Variants in RABGEF1 observed in about 807,000 individuals in gnomAD.
RABGEF1 encodes the protein RAB guanine nucleotide exchange factor 1.
In RABGEF1, 26 loss-of-function variants were observed where a neutral mutation model predicts 57.3. That is an observed-to-expected ratio of 0.45 (90% confidence interval 0.33 to 0.63). RABGEF1 has a LOEUF of 0.63. RABGEF1 is among the 20% of genes least tolerant of loss of function. RABGEF1 has a pLI of 0.02. For synonymous variants in RABGEF1, 185 were observed against 210.7 expected (o/e 0.88, Z 1.06); for missense variants, 464 against 607.6 (o/e 0.76, Z 2.48).
At chr7:66,666,548 A>G in the RABGEF1 span, among the ~76,000 whole-genome samples, 1 of 152,164 alleles carries the variant, frequency 6.6e-6, no homozygotes, top group East Asian at 1.9e-4. Flanking sequence ...TGGGCACTCC[A>G]GTGATGTTTC....
chr7:66,780,335 A>G (rs1809602491), intron 3 of RABGEF1, among the ~76,000 whole-genome samples: 1 of 152,230 alleles, frequency 6.6e-6, no homozygotes, highest in Non-Finnish European at 1.5e-5. Context: ...AGTGACTGCA[A>G]CATTATTCAA....
At chr7:66,789,835 G>T (rs1437424888) in intron 4 of RABGEF1, among the ~76,000 whole-genome samples, 6 of 152,104 alleles carry the variant, frequency 3.9e-5, no homozygotes, top group African/African-American at 1.2e-4. Flanking sequence ...CATGCGTGAG[G>T]CTGGTGCCAT....
chr7:66,756,005 G>T, intron 1 of RABGEF1: 1 of 1,428,372 alleles, frequency 7.0e-7, no homozygotes. Context: ...ATGAAAGTTG[G>T]TGAACCTTGG....
upstream of RABGEF1, among the ~76,000 whole-genome samples, chr7:66,677,241 C>T (rs1207161139): frequency 6.6e-6 from 1 of 152,106 alleles, no homozygotes; most frequent in Non-Finnish European, 1.5e-5. Flanking sequence ...TAGCATGTAA[C>T]TTCCTCAACA....
At chr7:66,795,733 T>G in intron 5 of RABGEF1, 141 bp downstream of exon 5, 2 of 771,492 alleles carry the variant, frequency 2.6e-6, no homozygotes, top group Middle Eastern at 2.3e-4. Context: ...TGGGAACTGG[T>G]CTTATACTTA....
rs561119008 is a variant in RABGEF1, at chr7:66,806,981, A to G, written c.1077+1585A>G. ...ATATAAATGAAACATACACTTGCCT[A>G]CGAGGGAAGAGCGTTTTGGATTCAG... On this transcript the variant is annotated intron_variant, in intron 8 of 8. Transcript: ENST00000284957. 5.3e-5 allele frequency among the ~76,000 whole-genome samples: 8 copies of G among 152,292 alleles called. No individual in the cohort carries two copies. The South Asian group carries it at 1.4e-3, about 28-fold the overall frequency.
chr7:66,761,210 CA>C (rs1330772300), intron 1 of RABGEF1, among the ~76,000 whole-genome samples: 1 of 152,146 alleles, frequency 6.6e-6, no homozygotes, highest in Non-Finnish European at 1.5e-5. Flanking sequence ...TCTTCTAGTT[CA>C]CTTCCTGCAC....
intron 1 of RABGEF1, among the ~76,000 whole-genome samples, chr7:66,760,022 T>C (rs1803858427): frequency 6.6e-6 from 1 of 152,162 alleles, no homozygotes; most frequent in African/African-American, 2.4e-5. Context: ...CAAAACACCC[T>C]TATCATATAG....
chr7:66,671,249 T>G, the RABGEF1 span, among the ~76,000 whole-genome samples: 2 of 152,182 alleles, frequency 1.3e-5, no homozygotes, highest in African/African-American at 2.4e-5. Context: ...AGTGCCATCA[T>G]AGCTCACTGC....
At chr7:66,806,004 C>T (rs1400448877) in intron 8 of RABGEF1, among the ~76,000 whole-genome samples, 1 of 152,002 alleles carries the variant, frequency 6.6e-6, no homozygotes, top group Admixed American at 6.6e-5. Context: ...CTTGACCTCC[C>T]TAAGAGTTGG....
At chr7:66,709,234 C>T (rs929894756) in intron 1 of RABGEF1, among the ~76,000 whole-genome samples, 8 of 152,086 alleles carry the variant, frequency 5.3e-5, no homozygotes, top group African/African-American at 1.9e-4. Context: ...GTCTCGAAAT[C>T]CTGACCTCAG....
chr7:66,728,544 C>T (rs1267775611), intron 2 of RABGEF1, among the ~76,000 whole-genome samples: 1 of 152,168 alleles, frequency 6.6e-6, no homozygotes, highest in Non-Finnish European at 1.5e-5. Context: ...CCAGTGTCTT[C>T]ACCATTTTTA....
At chr7:66,656,820 C>CAAAAAAAAAAAAAAAAAAAAAAAA in the RABGEF1 span, among the ~76,000 whole-genome samples, 1 of 73,860 alleles carries the variant, frequency 1.4e-5, no homozygotes, top group Non-Finnish European at 2.6e-5. Flanking sequence ...AACTGCATCT[C>CAAAAAAAAAAAAAAAAAAAAAAAA]AAAAAAAAAA....
chr7:66,801,462 C>T (rs1787279959), intron 7 of RABGEF1, among the ~76,000 whole-genome samples: 1 of 152,068 alleles, frequency 6.6e-6, no homozygotes, highest in Non-Finnish European at 1.5e-5. Context: ...CCCTGTCGTG[C>T]TAGCAAATAC....
chr7:66,787,152 G>A (rs1811361426), intron 4 of RABGEF1, among the ~76,000 whole-genome samples: 2 of 151,422 alleles, frequency 1.3e-5, no homozygotes, highest in Middle Eastern at 3.4e-3. Context: ...TCAGCCTCTC[G>A]AGTAGCTGGG....
chr7:66,795,442 C>A, intron 4 of RABGEF1, 69 bp from the exon 5 acceptor site: 2 of 1,358,662 alleles, frequency 1.5e-6, no homozygotes, highest in African/African-American at 1.4e-5. Context: ...TTGGAAAGTT[C>A]TTAGAATGTA....
At chr7:66,729,698 G>A (rs932819345) in intron 2 of RABGEF1, among the ~76,000 whole-genome samples, 9 of 152,242 alleles carry the variant, frequency 5.9e-5, no homozygotes, top group Non-Finnish European at 1.0e-4. Context: ...GTCTCCAGGT[G>A]GGTCTCCTGC....
intron 3 of RABGEF1, among the ~76,000 whole-genome samples, chr7:66,782,126 A>G (rs1224430650): frequency 6.6e-6 from 1 of 152,240 alleles, no homozygotes; most frequent in Non-Finnish European, 1.5e-5. Context: ...TACCGATGTC[A>G]ACACAATCTT....
intron 1 of RABGEF1, among the ~76,000 whole-genome samples, chr7:66,743,448 C>T (rs1799478555): frequency 6.6e-6 from 1 of 152,042 alleles, no homozygotes; most frequent in Non-Finnish European, 1.5e-5. Flanking sequence ...TCTCAGCCTC[C>T]CAAGTAACTG....
Sources: gnomAD v4.1 joint callset for allele counts (sites outside exome capture counted in the v4.1 genomes callset) on GRCh38, gnomAD v4.1.1 for gene constraint, MANE v1.5 for transcripts, NCBI Gene and HGNC (gene_info 2026-07-23, HGNC 2026-07-21) for gene names.